The following SYTL2 variants were observed in gnomAD, a reference collection of about 807,000 sequenced individuals.
The protein encoded by SYTL2 is synaptotagmin like 2, also known as synaptotagmin-like protein 2.
SYTL2 carries 165 observed loss-of-function variants against 198.7 expected under a neutral mutation model. That is an observed-to-expected ratio of 0.83 (90% CI 0.73 to 0.94). The LOEUF (loss-of-function observed/expected upper bound fraction) is 0.94, where lower values mean the gene tolerates loss of function less well. SYTL2 is among the 40% of genes least tolerant of loss of function. The pLI, the probability that SYTL2 is intolerant of heterozygous loss-of-function variation, is 0.00. For synonymous variants in SYTL2, 966 were observed against 917.7 expected, an observed-to-expected ratio of 1.05 and a Z score of -0.95; for missense variants, 2,835 against 2,582.8, an observed-to-expected ratio of 1.10 and a Z score of -2.12.
At chr11:85,767,140 A>C (rs1481664876) in intron 1 of SYTL2, among the ~76,000 whole-genome samples, 1 of 152,248 alleles carries the variant, frequency 6.6e-6, no homozygotes, top group African/African-American at 2.4e-5. Context: ...AAGAGAAAAC[A>C]CATGAAACAA....
At position 85,725,765 on chromosome 11, in the gene SYTL2, G is replaced by A. The variant is rs1182950529; in HGVS notation, c.3593C>T (p.Thr1198Ile). The change falls in exon 8 of 20, where the codon ACA becomes ATA. Residue 1198 changes from threonine (T) to isoleucine (I), a missense_variant. Thr to Ile is a moderately conservative substitution (Grantham distance 89, BLOSUM62 -1). Transcript: ENST00000359152. ...CCGTTTAACCTTTGGATGAACTACTGTTTTGTCAACATGCTCATTAATGAT... is the reference window on the plus strand; with the variant it reads ...CCGTTTAACCTTTGGATGAACTACTATTTTGTCAACATGCTCATTAATGAT... ...EKIINEHVDK[T>I]VVHPKVKRNS... The A allele has an allele frequency of 1.2e-6, 2 of 1,614,020 alleles. No homozygotes were observed. The highest frequency in any genetic ancestry group is 1.7e-6 in the Non-Finnish European group (2 of 1,179,994).
At chr11:85,808,049 G>T (rs778340888) in intron 1 of SYTL2, among the ~76,000 whole-genome samples, 2 of 152,030 alleles carry the variant, frequency 1.3e-5, no homozygotes, top group African/African-American at 4.8e-5. Flanking sequence ...TTTGAGTATA[G>T]ATGTATTTAT....
intron 2 of SYTL2, among the ~76,000 whole-genome samples, chr11:85,752,859 A>G (rs2091598048): frequency 6.8e-6 from 1 of 146,100 alleles, no homozygotes; most frequent in South Asian, 2.2e-4. Flanking sequence ...CTTTGCTTTG[A>G]CAGAAAAACA....
the SYTL2 span, among the ~76,000 whole-genome samples, chr11:85,826,739 T>C: frequency 2.0e-5 from 3 of 152,110 alleles, no homozygotes; most frequent in Non-Finnish European, 4.4e-5. Flanking sequence ...AGCCTGGAGG[T>C]GGATGTGCTA....
intron 4 of SYTL2, among the ~76,000 whole-genome samples, chr11:85,740,285 T>TTAA (rs1238785620): frequency 6.6e-6 from 1 of 152,198 alleles, no homozygotes; most frequent in Non-Finnish European, 1.5e-5. Flanking sequence ...CTATTTCCAC[T>TTAA]TAACCTATTC....
At position 85,705,009 on chromosome 11, in the gene SYTL2, ATTTG is replaced by A. The variant is rs778529136; in HGVS notation, c.6034_6037del (p.Gln2012SerfsTer2). On this transcript the variant is annotated frameshift_variant, in exon 16 of 20. Transcript: ENST00000359152. LOFTEE classifies it high-confidence loss of function. ...CAGGTTCAATTTCTGTGTCTTTAAG[ATTTG>A]TTTTTCAATTTTATACTGAAGTTCA... The A allele has an allele frequency of 6.2e-7, 1 of 1,611,510 alleles. No homozygotes were observed. The highest frequency in any genetic ancestry group is 1.1e-5 in the South Asian group (1 of 90,612).
chr11:85,755,127 A>T (rs958063370), intron 2 of SYTL2, among the ~76,000 whole-genome samples: 1 of 152,224 alleles, frequency 6.6e-6, no homozygotes, highest in African/African-American at 2.4e-5. Flanking sequence ...CCCATGGAGT[A>T]ACATTTTCAG....
At chr11:85,707,305 C>T in intron 15 of SYTL2, 124 bp downstream of exon 15, 1 of 652,390 alleles carries the variant, frequency 1.5e-6, no homozygotes. Flanking sequence ...AGTCTCAGAA[C>T]ATTTGTATTC....
Position 85,700,587 on chromosome 11 carries a change from G to A in SYTL2, c.6196C>T (p.Pro2066Ser), listed in dbSNP as rs1276222805. ...CTGTTTTCTGCTTCAAGGGCAACTGGTGCTGTCTGAAAAGTGAAGAAATGT... is the reference window on the plus strand; with the variant it reads ...CTGTTTTCTGCTTCAAGGGCAACTGATGCTGTCTGAAAAGTGAAGAAATGT... ...RWYPLKRKTAPVALEAENRGE... is the reference protein window; with the variant it reads ...RWYPLKRKTASVALEAENRGE... Residue 2066 changes from proline to serine, a missense_variant, in exon 17 of 20, where the codon CCA (proline) becomes TCA (serine). Pro to Ser is a moderately conservative substitution (Grantham distance 74). This residue lies in a region of SYTL2 where 2,645 missense variants were observed against 2,381.7 expected (regional missense o/e 1.11). Coordinates refer to ENST00000359152, the MANE Select transcript of SYTL2 (RefSeq NM_206927.4). The A allele has an allele frequency of 6.2e-7, 1 of 1,613,710 alleles. No individual in the cohort carries two copies. The highest frequency in any genetic ancestry group is 1.3e-5 in the African/African-American group (1 of 74,908).
At chr11:85,760,940 G>A (rs1366759547) in intron 1 of SYTL2, among the ~76,000 whole-genome samples, 1 of 152,162 alleles carries the variant, frequency 6.6e-6, no homozygotes, top group Non-Finnish European at 1.5e-5. Context: ...AGCCCTCAGA[G>A]GGCAATCAAG....
chr11:85,757,203 G>A (rs2091914493), intron 2 of SYTL2, among the ~76,000 whole-genome samples: 1 of 151,506 alleles, frequency 6.6e-6, no homozygotes, highest in African/African-American at 2.4e-5. Context: ...GCAGAAATGT[G>A]AGCTAGTTTA....
At chr11:85,743,162 T>C (rs2090923419) in intron 4 of SYTL2, among the ~76,000 whole-genome samples, 1 of 152,150 alleles carries the variant, frequency 6.6e-6, no homozygotes, top group South Asian at 2.1e-4. Context: ...TACTGACAGG[T>C]ATTGAGTCAT....
intron 1 of SYTL2, among the ~76,000 whole-genome samples, chr11:85,810,256 G>C (rs1276159369): frequency 6.6e-6 from 1 of 152,130 alleles, no homozygotes; most frequent in African/African-American, 2.4e-5. Context: ...TTTCATTAAG[G>C]CAGGAAGTGG....
intron 12 of SYTL2, among the ~76,000 whole-genome samples, chr11:85,713,982 T>C (rs1050871217): frequency 6.6e-6 from 1 of 152,182 alleles, no homozygotes; most frequent in African/African-American, 2.4e-5. Context: ...ATATGTAAAG[T>C]GCCTGGCACC....
the SYTL2 span, among the ~76,000 whole-genome samples, chr11:85,827,585 A>T: frequency 6.6e-6 from 1 of 151,998 alleles, no homozygotes; most frequent in Non-Finnish European, 1.5e-5. Flanking sequence ...TATTCTATGG[A>T]TCCTAGCAAA....
At chr11:85,778,455 T>C (rs1409896746) in intron 1 of SYTL2, among the ~76,000 whole-genome samples, 2 of 152,328 alleles carry the variant, frequency 1.3e-5, no homozygotes, top group South Asian at 4.1e-4. Flanking sequence ...CCGGTACTAA[T>C]TGCAGAGTGA....
chr11:85,812,452 G>A (rs2093047588), upstream of SYTL2, among the ~76,000 whole-genome samples: 1 of 152,182 alleles, frequency 6.6e-6, no homozygotes, highest in Non-Finnish European at 1.5e-5. Context: ...TGTGCTGGGT[G>A]AGCATGCCAC....
At chr11:85,829,000 G>A in the SYTL2 span, among the ~76,000 whole-genome samples, 1 of 151,846 alleles carries the variant, frequency 6.6e-6, no homozygotes, top group Non-Finnish European at 1.5e-5. Flanking sequence ...CCACCTTAGG[G>A]AAGGTAAGAA....
At chr11:85,833,114 G>A in the SYTL2 span, among the ~76,000 whole-genome samples, 12 of 59,666 alleles carry the variant, frequency 2.0e-4, no homozygotes, top group South Asian at 8.6e-4. Context: ...AAGGAAGGAA[G>A]GAAGGAAGGA....
Sources: allele counts gnomAD v4.1 joint callset (sites outside exome capture counted in the v4.1 genomes callset), GRCh38; gene constraint gnomAD v4.1.1; regional missense constraint gnomAD v4.1.1; transcripts MANE v1.5; gene names NCBI Gene and HGNC (gene_info 2026-07-23, HGNC 2026-07-21).